PRKCH: variants seen among roughly 807,000 people sequenced by gnomAD.
PRKCH encodes protein kinase C eta.
In PRKCH, 28 loss-of-function variants were observed where a neutral mutation model predicts 82.5. That is an observed-to-expected ratio of 0.34 (90% CI 0.25 to 0.47). The LOEUF (loss-of-function observed/expected upper bound fraction) is 0.47, where lower values mean the gene tolerates loss of function less well. Ranked by LOEUF, PRKCH falls within the 20% of genes least tolerant of loss-of-function variation. The pLI is 1.00. For missense variants in PRKCH, 705 were observed against 881.8 expected (o/e 0.80, Z 2.54); for synonymous variants, 322 against 327.4 (o/e 0.98, Z 0.18).
At chr14:61,308,252 T>C (rs2045496939) in intron 1 of PRKCH, among the ~76,000 whole-genome samples, 1 of 152,222 alleles carries the variant, frequency 6.6e-6, no homozygotes. Flanking sequence ...AGCTTGTGCA[T>C]TTACGTGGAA....
intron 10 of PRKCH, among the ~76,000 whole-genome samples, chr14:61,508,645 G>T (rs910311078): frequency 3.3e-5 from 5 of 152,128 alleles, no homozygotes; most frequent in Non-Finnish European, 5.9e-5. Context: ...TTCCATCTGG[G>T]TATCTTTGTG....
At chr14:61,221,679 C>T (rs958143222) in intron 1 of PRKCH, among the ~76,000 whole-genome samples, 1 of 152,106 alleles carries the variant, frequency 6.6e-6, no homozygotes, top group Admixed American at 6.5e-5. Flanking sequence ...CTAGCCCATG[C>T]CTAGTGGCCT....
chr14:61,198,656 C>G (rs745417220), intron 1 of PRKCH, among the ~76,000 whole-genome samples: 2 of 152,128 alleles, frequency 1.3e-5, no homozygotes, highest in Non-Finnish European at 2.9e-5. Flanking sequence ...AAACCTTTTT[C>G]TTTGAATGAA....
At chr14:61,444,989 G>A (rs1444284864) in intron 3 of PRKCH, among the ~76,000 whole-genome samples, 1 of 152,166 alleles carries the variant, frequency 6.6e-6, no homozygotes, top group Admixed American at 6.5e-5. Flanking sequence ...GTTATTTTGT[G>A]TGCTGCCTCC....
intron 1 of PRKCH, among the ~76,000 whole-genome samples, chr14:61,232,025 G>A (rs1315835727): frequency 6.6e-6 from 1 of 152,134 alleles, no homozygotes; most frequent in African/African-American, 2.4e-5. Context: ...CAAGTTGAGG[G>A]TTCAGTCCTC....
intron 7 of PRKCH, among the ~76,000 whole-genome samples, chr14:61,454,899 ATC>A (rs1209078683): frequency 6.6e-6 from 1 of 152,084 alleles, no homozygotes; most frequent in Non-Finnish European, 1.5e-5. Context: ...CAACTAATTA[ATC>A]TCTGGGTGCT....
At chr14:61,249,245 C>T (rs867580237) in intron 1 of PRKCH, among the ~76,000 whole-genome samples, 2 of 152,178 alleles carry the variant, frequency 1.3e-5, no homozygotes, top group African/African-American at 2.4e-5. Flanking sequence ...GTTAAAGAAG[C>T]TTTAACAGTG....
intron 2 of PRKCH, among the ~76,000 whole-genome samples, chr14:61,421,197 A>T (rs1429694404): frequency 3.3e-5 from 5 of 151,808 alleles, no homozygotes; most frequent in African/African-American, 1.2e-4. Context: ...GTTCCCTTAT[A>T]AGTGACTGTA....
At chr14:61,544,801 C>T (rs1379724286) in intron 12 of PRKCH, 1 of 152,264 alleles carries the variant, frequency 6.6e-6, no homozygotes, top group Non-Finnish European at 1.5e-5. Flanking sequence ...TGTTACTCAA[C>T]ACCACTGCCC....
chr14:61,486,544 G>T (rs1004303701), intron 10 of PRKCH, among the ~76,000 whole-genome samples: 1 of 152,158 alleles, frequency 6.6e-6, no homozygotes, highest in African/African-American at 2.4e-5. Flanking sequence ...GTTGGAGACA[G>T]TGAGAAGTGT....
chr14:61,280,787 TG>T lies in PRKCH; in HGVS notation c.-19+93120del. 1 of 1,557,242 alleles carries T rather than the reference TG, an allele frequency of 6.4e-7. No homozygotes were observed. Among genetic ancestry groups the T allele is most frequent in the Non-Finnish European group, 8.6e-7 (1 of 1,160,590 alleles). On this transcript the variant is annotated intron_variant, in intron 1 of 3. Transcript: ENST00000555185. This position sits in a 1 kb window ranked among gnomAD's most constrained non-coding sequence, Gnocchi z 5.0. ...TCGCGGGACACGCCGTAGCGCCGGT[TG>T]TTCTGGTAGAAGTTGGTCAGCTCGT...
intron 4 of PRKCH, among the ~76,000 whole-genome samples, chr14:61,448,707 G>A (rs1196002705): frequency 6.6e-6 from 1 of 152,172 alleles, no homozygotes; most frequent in Non-Finnish European, 1.5e-5. Context: ...ATAGTTTGTT[G>A]GAAGGGTCCA....
intron 1 of PRKCH, among the ~76,000 whole-genome samples, chr14:61,266,126 A>G (rs2045098702): frequency 6.6e-6 from 1 of 152,076 alleles, no homozygotes; most frequent in African/African-American, 2.4e-5. Flanking sequence ...TAGAAAAATC[A>G]TAGGTCCTTG....
At chr14:61,384,078 G>A (rs1168386055) in intron 1 of PRKCH, among the ~76,000 whole-genome samples, 1 of 152,126 alleles carries the variant, frequency 6.6e-6, no homozygotes, top group Non-Finnish European at 1.5e-5. Flanking sequence ...GCAGGAGAAA[G>A]GATGAGGGAG....
At chr14:61,407,788 G>C (rs1286140469) in intron 2 of PRKCH, among the ~76,000 whole-genome samples, 1 of 152,178 alleles carries the variant, frequency 6.6e-6, no homozygotes, top group Non-Finnish European at 1.5e-5. Flanking sequence ...CATGCTGGCT[G>C]TGTCTGTCTG....
intron 2 of PRKCH, among the ~76,000 whole-genome samples, chr14:61,402,029 C>T (rs756467381): frequency 1.3e-5 from 2 of 152,188 alleles, no homozygotes; most frequent in Non-Finnish European, 2.9e-5. Flanking sequence ...AAACATAATT[C>T]GAATTTTGGA....
chr14:61,366,408 A>G (rs2046297172), intron 1 of PRKCH, among the ~76,000 whole-genome samples: 1 of 152,060 alleles, frequency 6.6e-6, no homozygotes, highest in Non-Finnish European at 1.5e-5. Context: ...CTGTTTCTTT[A>G]TTTCCTTGAG....
At chr14:61,338,004 C>T (rs964823828) in intron 1 of PRKCH, among the ~76,000 whole-genome samples, 14 of 152,258 alleles carry the variant, frequency 9.2e-5, no homozygotes, top group South Asian at 6.2e-4. Context: ...CGGGCCTCCT[C>T]GCCTTCTTGT....
chr14:61,360,507 A>AAAAAAAG (rs891570908), intron 1 of PRKCH, among the ~76,000 whole-genome samples: 8 of 152,178 alleles, frequency 5.3e-5, no homozygotes, highest in Non-Finnish European at 1.0e-4. Context: ...TCCATCTCAA[A>AAAAAAAG]AAAAAAGAAA....
Sources: gnomAD v4.1 joint callset for allele counts (sites outside exome capture counted in the v4.1 genomes callset) on GRCh38, gnomAD v4.1.1 for gene constraint, Gnocchi (gnomAD v3.1) non-coding constraint, MANE v1.5 for transcripts, NCBI Gene and HGNC (gene_info 2026-07-23, HGNC 2026-07-21) for gene names.